SYNE2: variants seen among roughly 807,000 people sequenced by gnomAD.
SYNE2 encodes nesprin-2.
Under a neutral mutation model 856.3 loss-of-function variants are expected in SYNE2, and 431 were observed. The observed-to-expected ratio is 0.50, with a 90% confidence interval of 0.47 to 0.55. The LOEUF (loss-of-function observed/expected upper bound fraction) is 0.55. SYNE2 is among the 20% of genes least tolerant of loss of function. The pLI, the probability that SYNE2 is intolerant of heterozygous loss-of-function variation, is 0.00. For missense variants in SYNE2, 8,129 were observed against 8,023.2 expected (o/e 1.01, Z -0.50); for synonymous variants, 2,923 against 2,872.3 (o/e 1.02, Z -0.56).
intron 1 of SYNE2, among the ~76,000 whole-genome samples, chr14:63,775,423 C>T (rs1887073688): frequency 6.6e-6 from 1 of 151,680 alleles, no homozygotes; most frequent in African/African-American, 2.4e-5. Context: ...TTACAGGTGC[C>T]TGCCACAGTG....
chr14:63,940,790 G>A (rs1443416716), intron 3 of SYNE2, 115 bp downstream of exon 3: 5 of 861,022 alleles, frequency 5.8e-6, no homozygotes, highest in Non-Finnish European at 7.6e-6. Context: ...CAGGGAAAAG[G>A]TTGTGGAATG....
In SYNE2 at chr14:63,997,020, A is replaced by T; in HGVS notation, c.3014A>T (p.Glu1005Val). The T allele has an allele frequency of 6.2e-7, 1 of 1,614,090 alleles. No homozygotes were observed. Among genetic ancestry groups the T allele is most frequent in the Non-Finnish European group, 8.5e-7 (1 of 1,179,986 alleles). Residue 1005 changes from glutamate (E) to valine (V), a missense_variant, in exon 24 of 116, where the codon GAG becomes GTG. Glu to Val is a moderately radical substitution (Grantham distance 121). Around this residue, in one of 3 missense-constraint regions of SYNE2, gnomAD observed 2,422 missense variants for 2,357.4 expected, o/e 1.03. Transcript: ENST00000555002. ...HMEVLRELCE[E>V]LPSQKSQQEV... The stretch of plus-strand genomic sequence containing the variant: ...GAAGTCCTGAGGGAGCTGTGTGAAG[A>T]GCTGCCTTCACAGAAGAGTCAACAA...
intron 99 of SYNE2, chr14:64,191,189 A>G: frequency 3.1e-6 from 1 of 320,974 alleles, no homozygotes; most frequent in South Asian, 9.0e-5. Context: ...ATTATTATTT[A>G]AATTTAATAA....
At chr14:63,826,089 C>T (rs1424138161) in intron 1 of SYNE2, among the ~76,000 whole-genome samples, 1 of 151,908 alleles carries the variant, frequency 6.6e-6, no homozygotes, top group Non-Finnish European at 1.5e-5. Context: ...ATAGTGAAAG[C>T]AATCTTGAAA....
chr14:64,200,655 G>A (rs888517323), intron 99 of SYNE2, among the ~76,000 whole-genome samples: 1 of 152,192 alleles, frequency 6.6e-6, no homozygotes, highest in Admixed American at 6.5e-5. Context: ...TGAAGGGAAC[G>A]TATCCTTGTG....
intron 1 of SYNE2, among the ~76,000 whole-genome samples, chr14:63,899,511 AGT>A (rs1491208489): frequency 1.4e-5 from 2 of 141,942 alleles, no homozygotes; most frequent in African/African-American, 5.5e-5. Context: ...CCTGTTTGTT[AGT>A]TTTTTTGAGA....
chr14:64,014,845 G>A (rs993551756), intron 32 of SYNE2, among the ~76,000 whole-genome samples: 4 of 149,730 alleles, frequency 2.7e-5, no homozygotes, highest in Non-Finnish European at 5.9e-5. Context: ...TGTTAAAATG[G>A]TGGGTTACAT....
At chr14:63,913,487 G>A (rs2095498014) in intron 2 of SYNE2, among the ~76,000 whole-genome samples, 1 of 130,978 alleles carries the variant, frequency 7.6e-6, no homozygotes. Flanking sequence ...TTCTGAGACA[G>A]AATCTTGCTC....
rs186471359 is a variant in SYNE2 at position 64,107,061 on chromosome 14, C to T, written c.12493-430C>T. On this transcript the variant is annotated intron_variant, in intron 64 of 115. Transcript: ENST00000555002. The stretch of plus-strand genomic sequence containing the variant: ...ATAGAGACAGGGTCTTACCATGTTG[C>T]TCAGGCTGGTCTCAAACTCCTGAGC... Among the ~76,000 whole-genome samples, 216 of 152,238 alleles carry T rather than the reference C, an allele frequency of 1.4e-3. 1 individual carries two copies. The highest frequency in any genetic ancestry group is 4.9e-3 in the African/African-American group (204 of 41,516).
chr14:64,214,946 C>G (rs1024689123), intron 106 of SYNE2, among the ~76,000 whole-genome samples: 6 of 152,122 alleles, frequency 3.9e-5, no homozygotes, highest in Non-Finnish European at 8.8e-5. Flanking sequence ...TGCTATGTTG[C>G]CAGAGCTGGT....
intron 45 of SYNE2, among the ~76,000 whole-genome samples, chr14:64,043,396 A>G (rs1235824475): frequency 6.6e-6 from 1 of 152,224 alleles, no homozygotes; most frequent in East Asian, 1.9e-4. Context: ...GTGCACAAGT[A>G]ACAAGCCGAA....
chr14:63,779,087 A>C (rs1887214549), intron 1 of SYNE2, among the ~76,000 whole-genome samples: 1 of 152,030 alleles, frequency 6.6e-6, no homozygotes, highest in South Asian at 2.1e-4. Flanking sequence ...TGGGAGGTTG[A>C]GGTGGGTAGA....
At chr14:63,880,691 A>G (rs1352671482) in intron 1 of SYNE2, among the ~76,000 whole-genome samples, 3 of 121,252 alleles carry the variant, frequency 2.5e-5, no homozygotes, top group Non-Finnish European at 3.4e-5. Flanking sequence ...TTTTTTTTTT[A>G]AGACAGGGTC....
chr14:64,000,809 A>G, intron 28 of SYNE2, 90 bp downstream of exon 28: 1 of 1,198,118 alleles, frequency 8.3e-7, no homozygotes, highest in South Asian at 1.3e-5. Flanking sequence ...TATACTAAGT[A>G]TGTTATTTTA....
intron 1 of SYNE2, among the ~76,000 whole-genome samples, chr14:63,843,215 G>A (rs887028997): frequency 6.2e-5 from 9 of 145,892 alleles, no homozygotes; most frequent in Non-Finnish European, 8.9e-5. Context: ...TTTTATGCCC[G>A]TGTGTGTGTG....
chr14:63,942,516 G>A (rs2153418488), intron 6 of SYNE2, among the ~76,000 whole-genome samples: 1 of 151,204 alleles, frequency 6.6e-6, no homozygotes, highest in East Asian at 2.0e-4. Context: ...TTTTTTTGAG[G>A]TGGAGTTTTG....
At chr14:63,866,184 A>G (rs1895269661) in intron 1 of SYNE2, among the ~76,000 whole-genome samples, 1 of 152,234 alleles carries the variant, frequency 6.6e-6, no homozygotes. Flanking sequence ...CACTGCTTTA[A>G]AAATGTCTTA....
chr14:64,210,449 G>A (rs2098634451), intron 103 of SYNE2, among the ~76,000 whole-genome samples: 1 of 152,192 alleles, frequency 6.6e-6, no homozygotes, highest in Admixed American at 6.5e-5. Flanking sequence ...TCTGGAAAAG[G>A]CAACACGTGG....
At chr14:63,782,064 G>A (rs1887335447) in intron 1 of SYNE2, among the ~76,000 whole-genome samples, 1 of 151,004 alleles carries the variant, frequency 6.6e-6, no homozygotes, top group Non-Finnish European at 1.5e-5. Flanking sequence ...GAGGCCAGGA[G>A]TTTGAGGCTG....
Sources: allele counts gnomAD v4.1 joint callset (sites outside exome capture counted in the v4.1 genomes callset), GRCh38; gene constraint gnomAD v4.1.1; regional missense constraint gnomAD v4.1.1; transcripts MANE v1.5; gene names NCBI Gene and HGNC (gene_info 2026-07-23, HGNC 2026-07-21).